DMD: variants seen among roughly 807,000 people sequenced by gnomAD.
DMD encodes the protein dystrophin, also known as mutant dystrophin.
DMD carries 63 observed loss-of-function variants against 330.1 expected under a neutral mutation model. The ratio of observed to expected loss-of-function variants is 0.19; its 90% confidence interval spans 0.16 to 0.24. The LOEUF is 0.24. Ranked by LOEUF, DMD falls within the 10% of genes least tolerant of loss-of-function variation. DMD has a pLI of 1.00. For missense variants in DMD, 3,344 were observed against 2,684.1 expected, an observed-to-expected ratio of 1.25 and a Z score of -5.43; for synonymous variants, 1,223 against 959.8, an observed-to-expected ratio of 1.27 and a Z score of -5.07.
intron 7 of DMD, among the ~76,000 whole-genome samples, chrX:32,795,749 CCAAA>C (rs1200482930): frequency 9.0e-6 from 1 of 110,707 alleles, no homozygotes; most frequent in Non-Finnish European, 1.9e-5. Flanking sequence ...TACGAGGATC[CCAAA>C]CAATTTAACA....
intron 23 of DMD, among the ~76,000 whole-genome samples, chrX:32,467,135 A>T (rs2040111358): frequency 8.9e-6 from 1 of 112,416 alleles, no homozygotes; most frequent in African/African-American, 3.2e-5. Flanking sequence ...CTATGCATTA[A>T]AAAATGTTTT....
intron 44 of DMD, among the ~76,000 whole-genome samples, chrX:32,039,365 C>A (rs1921375): frequency 1.1e-4 from 12 of 110,333 alleles, no homozygotes. Flanking sequence ...AATTATACAG[C>A]TATTTATTGG....
chrX:31,220,862 A>C (rs2147026803), intron 64 of DMD, among the ~76,000 whole-genome samples: 1 of 99,928 alleles, frequency 1.0e-5, no homozygotes, highest in African/African-American at 3.7e-5. Flanking sequence ...ATGAATTCGT[A>C]AACTTTCCTA....
chrX:31,544,896 A>C (rs371241221), intron 55 of DMD, among the ~76,000 whole-genome samples: 1 of 111,243 alleles, frequency 9.0e-6, no homozygotes, highest in African/African-American at 3.3e-5. Context: ...GTTCTGACAT[A>C]GCCCAAACTG....
At chrX:31,906,077 G>A (rs2094474817) in intron 47 of DMD, among the ~76,000 whole-genome samples, 1 of 111,314 alleles carries the variant, frequency 9.0e-6, no homozygotes, top group African/African-American at 3.3e-5. Flanking sequence ...ATTGAATCAC[G>A]GCGGGCGGTT....
chrX:32,606,409 A>T (rs144876537), intron 12 of DMD, among the ~76,000 whole-genome samples: 1 of 109,216 alleles, frequency 9.2e-6, no homozygotes, highest in Non-Finnish European at 1.9e-5. Flanking sequence ...AAACAACAAC[A>T]GGTGTTGGCA....
rs1654211289 is a variant in DMD at position 32,624,672 on chromosome X, C to T, written c.1332-10219G>A. On this transcript the variant is annotated intron_variant, in intron 11 of 78. Transcript: ENST00000357033. ...CCAAGGGATATCAATGCTTCGGATC[C>T]ATTAATCACATTTTAAGGAGCAATG... Among the ~76,000 whole-genome samples, 3 of 111,564 alleles carry T rather than the reference C, an allele frequency of 2.7e-5. No homozygotes were observed. In the South Asian group the frequency reaches 1.1e-3, roughly 42 times the overall value.
intron 74 of DMD, among the ~76,000 whole-genome samples, chrX:31,162,271 A>G (rs889771258): frequency 4.8e-5 from 5 of 104,744 alleles, no homozygotes; most frequent in African/African-American, 1.7e-4. Flanking sequence ...TAGCTAAAGA[A>G]ACTCATGACC....
At chrX:32,904,042 G>A (rs940182915) in intron 2 of DMD, among the ~76,000 whole-genome samples, 6 of 111,797 alleles carry the variant, frequency 5.4e-5, no homozygotes, top group African/African-American at 2.0e-4. Flanking sequence ...AACCAGGTAA[G>A]GAAGTTAATA....
chrX:31,748,400 G>T (rs927756223), intron 51 of DMD, among the ~76,000 whole-genome samples: 1 of 112,142 alleles, frequency 8.9e-6, no homozygotes, highest in African/African-American at 3.2e-5. Flanking sequence ...TTAGGAACCT[G>T]AGAGATGCAA....
intron 44 of DMD, among the ~76,000 whole-genome samples, chrX:32,210,815 G>C (rs749649591): frequency 3.8e-4 from 42 of 111,447 alleles, no homozygotes; most frequent in African/African-American, 1.3e-3. Flanking sequence ...GGCTTTCTGG[G>C]CTGCGAGTGC....
At chrX:31,634,706 A>G (rs1261704868) in intron 54 of DMD, among the ~76,000 whole-genome samples, 3 of 111,469 alleles carry the variant, frequency 2.7e-5, no homozygotes, top group Admixed American at 1.9e-4. Flanking sequence ...ATTTATCATT[A>G]GGGAAACAAC....
intron 44 of DMD, among the ~76,000 whole-genome samples, chrX:32,081,482 A>G (rs2096390984): frequency 1.8e-5 from 2 of 111,985 alleles, no homozygotes; most frequent in Non-Finnish European, 3.8e-5. Flanking sequence ...TTTCTGTCCA[A>G]TCCTGCTTCT....
intron 18 of DMD, among the ~76,000 whole-genome samples, chrX:32,511,963 A>G (rs41324047): frequency 0.055 from 6,205 of 111,928 alleles, 145 homozygotes; most frequent in Non-Finnish European, 0.08. Flanking sequence ...AAGCTAAAAA[A>G]GGCATCAGTA....
intron 44 of DMD, among the ~76,000 whole-genome samples, chrX:32,053,868 G>T (rs1470470477): frequency 9.0e-6 from 1 of 110,558 alleles, no homozygotes; most frequent in Non-Finnish European, 1.9e-5. Flanking sequence ...CCCTAGTTCT[G>T]TAAACCTTTT....
Position 33,292,732 on chromosome X carries a change from A to T in DMD, c.7+46527T>A, listed in dbSNP as rs191286642. Among the ~76,000 whole-genome samples, 293 of 111,343 alleles carry T rather than the reference A, an allele frequency of 2.6e-3. 1 individual carries two copies. Among genetic ancestry groups the T allele is most frequent in the African/African-American group, 9.2e-3 (284 of 30,754 alleles). On this transcript the variant is annotated intron_variant, in intron 1 of 17. Transcript: ENST00000288447. ...AGGAGGAGATGATTGGAGGAAAAAC[A>T]GATGCCAGGACAAGATTCTGAAGTA...
At chrX:33,123,700 G>A in intron 1 of DMD, among the ~76,000 whole-genome samples, 1 of 105,271 alleles carries the variant, frequency 9.5e-6, no homozygotes, top group Non-Finnish European at 1.9e-5. Context: ...TTACAGGTAT[G>A]AGCCACCACG....
chrX:32,141,422 C>T (rs2096752292), intron 44 of DMD, among the ~76,000 whole-genome samples: 3 of 101,996 alleles, frequency 2.9e-5, no homozygotes, highest in African/African-American at 6.9e-5. Context: ...GGTGACAGAG[C>T]GAGACTCCGT....
intron 7 of DMD, among the ~76,000 whole-genome samples, chrX:32,801,948 C>G (rs1307139076): frequency 8.9e-6 from 1 of 111,785 alleles, no homozygotes; most frequent in African/African-American, 3.3e-5. Context: ...AGCATGATGC[C>G]TCCAGCTTTG....
Sources: allele counts gnomAD v4.1 joint callset (sites outside exome capture counted in the v4.1 genomes callset), GRCh38; gene constraint gnomAD v4.1.1; transcripts MANE v1.5; gene names NCBI Gene and HGNC (gene_info 2026-07-23, HGNC 2026-07-21).